PNO1: variants seen among roughly 807,000 people sequenced by gnomAD.
PNO1 encodes RNA-binding protein PNO1.
PNO1 carries 16 observed loss-of-function variants against 28.4 expected under a neutral mutation model. That is an observed-to-expected ratio of 0.56 (90% CI 0.38 to 0.85). The LOEUF (loss-of-function observed/expected upper bound fraction) is 0.85. Among genes scored for constraint, PNO1 ranks in the 40% least tolerant of loss-of-function variants. PNO1 has a pLI of 0.00. For missense variants in PNO1, 304 were observed against 312.2 expected (o/e 0.97, Z 0.20); for synonymous variants, 115 against 110.8 (o/e 1.04, Z -0.24).
chr2:68,173,032 AT>A, intron 5 of PNO1: 1 of 219,956 alleles, frequency 4.5e-6, no homozygotes, highest in Non-Finnish European at 8.7e-6. Flanking sequence ...ATTTTCCAGC[AT>A]TTTTGGAGTA....
At chr2:68,170,747 CAA>C (rs767088135) in intron 5 of PNO1, among the ~76,000 whole-genome samples, 251 of 61,066 alleles carry the variant, frequency 4.1e-3, no homozygotes, top group African/African-American at 0.014. Flanking sequence ...GACTCCGTCT[CAA>C]AAAAAAAAAA....
rs1460636869 is a variant in PNO1, at chr2:68,173,393, AC to A, written c.668del (p.Thr223MetfsTer6). On this transcript the variant is annotated frameshift_variant, in exon 6 of 7. Transcript: ENST00000263657. LOFTEE classifies it high-confidence loss of function. ...GSFQNIKMAR[T>X]AICNLILGNP... ...CTTCCAAAATATCAAGATGGCAAGA[AC>A]TGCCATTTGCAACCTAATCTTGGGT... 1 of 1,605,914 alleles carries A rather than the reference AC, an allele frequency of 6.2e-7. No individual in the cohort carries two copies. The highest frequency in any genetic ancestry group is 8.5e-7 in the Non-Finnish European group (1 of 1,172,706).
In PNO1 at chr2:68,174,854, T is replaced by C. The variant is rs1674232920; in HGVS notation, c.*52T>C. The stretch of plus-strand genomic sequence containing the variant: ...CCTTTGGACTCTGGTGAAAAATACT[T>C]TACAGTGGTCGGTCACAAGAAACCA... On this transcript the variant is annotated 3_prime_UTR_variant, in exon 7 of 7. Transcript: ENST00000263657. 1.7e-6 allele frequency: 2 copies of C among 1,158,184 alleles called. No homozygotes were observed. The highest frequency in any genetic ancestry group is 1.3e-5 in the South Asian group (1 of 78,488). The allele number at this position is 1,158,184 out of a possible 1,614,324, so 71.7% of individuals were successfully genotyped here.
At chr2:68,174,245 T>A (rs1674209801) in intron 6 of PNO1, among the ~76,000 whole-genome samples, 1 of 151,818 alleles carries the variant, frequency 6.6e-6, no homozygotes, top group Non-Finnish European at 1.5e-5. Context: ...CTTAGAAGTT[T>A]AAAATATTTT....
In PNO1 at chr2:68,162,620, A is replaced by G. The variant is rs748630631; in HGVS notation, c.577A>G (p.Thr193Ala). The G allele has an allele frequency of 1.9e-6, 3 of 1,613,548 alleles. No homozygotes were observed. Among genetic ancestry groups the G allele is most frequent in the East Asian group, 4.5e-5 (2 of 44,870 alleles). ...TGGCAAAGGAGGAAAAACCAAATTC[A>G]CCATAGAGAATGTGACACGGACAAG... ...IAGKGGKTKF[T>A]IENVTRTRIV... Residue 193 changes from threonine (T) to alanine (A), a missense_variant, in exon 5 of 7, where the codon ACC (threonine) becomes GCC (alanine). Physicochemically the swap from Thr to Ala is moderately conservative, Grantham distance 58 (BLOSUM62 0). Transcript: ENST00000263657.
At chr2:68,162,152 AAAG>A in intron 3 of PNO1, 110 bp from the exon 4 acceptor site, 1 of 807,360 alleles carries the variant, frequency 1.2e-6, no homozygotes, top group African/African-American at 1.8e-5. Context: ...GGGAAAAAAA[AAAG>A]CTTTCTAGCT....
At chr2:68,160,570 C>T (rs1673805400) in intron 2 of PNO1, among the ~76,000 whole-genome samples, 1 of 152,202 alleles carries the variant, frequency 6.6e-6, no homozygotes, top group Admixed American at 6.5e-5. Context: ...ATTCCACTAA[C>T]ATTTGTTGAT....
At chr2:68,161,561 T>C in intron 2 of PNO1, 122 bp from the exon 3 acceptor site, 1 of 675,198 alleles carries the variant, frequency 1.5e-6, no homozygotes. Context: ...CAGAATATAT[T>C]AGGGAAAGGT....
chr2:68,173,014 A>T (rs1326516819), intron 5 of PNO1: 2 of 203,448 alleles, frequency 9.8e-6, no homozygotes, highest in East Asian at 2.1e-4. Flanking sequence ...TCTGACTCAA[A>T]TATCATGATT....
chr2:68,158,339 C>T (rs769972397), intron 1 of PNO1, 41 bp from the exon 2 acceptor site: 5 of 1,567,180 alleles, frequency 3.2e-6, no homozygotes, highest in Non-Finnish European at 2.6e-6. Flanking sequence ...CCATCACCGT[C>T]CCTCCATAGC....
chr2:68,161,823 T>G lies in PNO1; in HGVS notation c.441+57T>G, dbSNP rs1673838965. Reference sequence around the variant, plus strand: ...CTTTAAAAATATTCAATGTGAACATTTCAATGGATTAGGCATTAAAAAAAA... The same window carrying G: ...CTTTAAAAATATTCAATGTGAACATGTCAATGGATTAGGCATTAAAAAAAA... On this transcript the variant is annotated intron_variant, in intron 3 of 6. Coordinates refer to ENST00000263657, the MANE Select transcript of PNO1 (RefSeq NM_020143.4). 8 of 1,157,780 alleles carry G rather than the reference T, an allele frequency of 6.9e-6. No individual in the cohort carries two copies. In the South Asian group the frequency reaches 1.0e-4, roughly 14 times the overall value. 71.7% of individuals were successfully genotyped at this position (1,157,780 alleles called of 1,614,324 possible).
At chr2:68,159,163 A>G (rs1428876184) in intron 2 of PNO1, among the ~76,000 whole-genome samples, 2 of 152,158 alleles carry the variant, frequency 1.3e-5, no homozygotes, top group Non-Finnish European at 2.9e-5. Flanking sequence ...TTGGTCACTG[A>G]TCAAAATGTC....
At chr2:68,171,075 G>T (rs907898468) in intron 5 of PNO1, among the ~76,000 whole-genome samples, 1 of 152,166 alleles carries the variant, frequency 6.6e-6, no homozygotes, top group Non-Finnish European at 1.5e-5. Flanking sequence ...CCTGAAAACA[G>T]AAATCAGTGC....
Position 68,174,873 on chromosome 2 carries a change from G to A in PNO1, c.*71G>A, listed in dbSNP as rs1674233628. 2.2e-6 allele frequency: 2 copies of A among 917,642 alleles called. No homozygotes were observed. Among genetic ancestry groups the A allele is most frequent in the Non-Finnish European group, 3.5e-6 (2 of 570,432 alleles). The allele number at this position is 917,642 out of a possible 1,614,324, so 56.8% of individuals were successfully genotyped here. A position where few individuals can be genotyped will look rare whatever the true frequency, so the allele number is the denominator to read the frequency against. ...AATACTTTACAGTGGTCGGTCACAA[G>A]AAACCAGCTGAACAATTTCAGTCAT... is the stretch of plus-strand genomic sequence containing the variant. On this transcript the variant is annotated 3_prime_UTR_variant, in exon 7 of 7. Transcript: ENST00000263657.
chr2:68,166,308 T>C (rs776575446), intron 5 of PNO1, among the ~76,000 whole-genome samples: 6 of 152,342 alleles, frequency 3.9e-5, no homozygotes, highest in Admixed American at 6.5e-5. Flanking sequence ...GGCTGGAAGC[T>C]ATACCAATAA....
Position 68,176,151 on chromosome 2 carries a change from T to C in PNO1, c.*1349T>C, listed in dbSNP as rs1022092428. On this transcript the variant is annotated 3_prime_UTR_variant, in exon 7 of 7. Coordinates refer to ENST00000263657, the MANE Select transcript of PNO1 (RefSeq NM_020143.4). The stretch of plus-strand genomic sequence containing the variant: ...AAAACTATGCTCTATAAATGCAGAT[T>C]AGCTAGTTTCTGCCTGTTTAAATGG... 2.6e-5 allele frequency: 4 copies of C among 152,254 alleles called. No homozygotes were observed. The highest frequency in any genetic ancestry group is 5.9e-5 in the Non-Finnish European group (4 of 68,044). 9.4% of individuals were successfully genotyped at this position (152,254 alleles called of 1,614,324 possible).
intron 2 of PNO1, 55 bp downstream of exon 2, chr2:68,158,584 T>A: frequency 6.8e-7 from 1 of 1,462,086 alleles, no homozygotes; most frequent in Non-Finnish European, 9.3e-7. Context: ...CCTACAGAGA[T>A]GAAAAGGCAT....
At chr2:68,169,309 G>A (rs1674068852) in intron 5 of PNO1, among the ~76,000 whole-genome samples, 1 of 152,090 alleles carries the variant, frequency 6.6e-6, no homozygotes, top group Admixed American at 6.5e-5. Flanking sequence ...CACTTTATGT[G>A]GGACCCACGT....
At chr2:68,161,553 G>GAAT (rs1673831143) in intron 2 of PNO1, 130 bp from the exon 3 acceptor site, 1 of 658,532 alleles carries the variant, frequency 1.5e-6, no homozygotes, top group Non-Finnish European at 2.7e-6. Flanking sequence ...GTGTCATACA[G>GAAT]AATATATTAG....
Sources: allele counts gnomAD v4.1 joint callset (sites outside exome capture counted in the v4.1 genomes callset), GRCh38; gene constraint gnomAD v4.1.1; transcripts MANE v1.5; gene names NCBI Gene and HGNC (gene_info 2026-07-23, HGNC 2026-07-21).